Variants in MAP2K5 observed in about 807,000 individuals in gnomAD.
MAP2K5 encodes the protein mitogen-activated protein kinase kinase 5, also known as dual specificity mitogen-activated protein kinase kinase 5.
MAP2K5 carries 49 observed loss-of-function variants against 83.1 expected under a neutral mutation model. That is an observed-to-expected ratio of 0.59 (90% CI 0.47 to 0.75). The LOEUF (loss-of-function observed/expected upper bound fraction) is 0.75. Among genes scored for constraint, MAP2K5 ranks in the 30% least tolerant of loss-of-function variants. MAP2K5 has a pLI of 0.00. For synonymous variants in MAP2K5, 202 were observed against 191.8 expected (o/e 1.05, Z -0.44); for missense variants, 457 against 557.5 (o/e 0.82, Z 1.82).
At chr15:67,718,847 A>G (rs1217117719) in intron 16 of MAP2K5, among the ~76,000 whole-genome samples, 1 of 152,208 alleles carries the variant, frequency 6.6e-6, no homozygotes, top group African/African-American at 2.4e-5. Context: ...ACAATGTGTA[A>G]TAATCACATC....
chr15:67,653,341 A>C (rs755113876), intron 11 of MAP2K5, among the ~76,000 whole-genome samples: 1 of 151,630 alleles, frequency 6.6e-6, no homozygotes, highest in Admixed American at 6.6e-5. Flanking sequence ...GCTAGAGTAC[A>C]ATGGCACAAT....
In MAP2K5 at chr15:67,688,052, C is replaced by G. The variant is rs527386509; in HGVS notation, c.848-4427C>G. Reference sequence around the variant, plus strand: ...AGGCTTCCCCTAAAAAGGTAAGAATCTAAAGCAAAGGAGAAAAATTCAGGC... The same window carrying G: ...AGGCTTCCCCTAAAAAGGTAAGAATGTAAAGCAAAGGAGAAAAATTCAGGC... On this transcript the variant is annotated intron_variant, in intron 13 of 21. Transcript: ENST00000178640. Among the ~76,000 whole-genome samples the G allele has an allele frequency of 2.5e-4, 38 of 152,256 alleles. 1 individual carries two copies. Among genetic ancestry groups the G allele is most frequent in the Admixed American group, 1.8e-3 (27 of 15,282 alleles).
chr15:67,734,879 C>T (rs1018048114), intron 17 of MAP2K5, among the ~76,000 whole-genome samples: 1 of 152,150 alleles, frequency 6.6e-6, no homozygotes, highest in African/African-American at 2.4e-5. Flanking sequence ...TTCAAGTACT[C>T]ACCTTTAATT....
chr15:67,756,515 CTGTGTGTGTGTGTGTGTGTGTGTG>C (rs200627656), intron 19 of MAP2K5, among the ~76,000 whole-genome samples: 4 of 131,544 alleles, frequency 3.0e-5, no homozygotes, highest in African/African-American at 5.6e-5. Context: ...CACACAGTTA[CTGTGTGTGTGTGTGTGTGTGTGTG>C]TGTGTGTGTG....
intron 15 of MAP2K5, among the ~76,000 whole-genome samples, chr15:67,695,455 A>T (rs965411406): frequency 2.0e-5 from 3 of 152,120 alleles, no homozygotes; most frequent in African/African-American, 4.8e-5. Flanking sequence ...TAATAAATTA[A>T]CCTCTGAAGT....
At chr15:67,726,840 C>T (rs1165281391) in intron 16 of MAP2K5, among the ~76,000 whole-genome samples, 1 of 152,148 alleles carries the variant, frequency 6.6e-6, no homozygotes, top group African/African-American at 2.4e-5. Flanking sequence ...GAGGATTGGC[C>T]ACATTATAAA....
Position 67,622,856 on chromosome 15 carries a change from T to C in MAP2K5, c.546-8032T>C, listed in dbSNP as rs1567316102. The stretch of plus-strand genomic sequence containing the variant: ...GCTTACGCCTGTAATCCCAGCACTT[T>C]GGGAGGTCGAGGCAGGTGGATCATG... On this transcript the variant is annotated intron_variant, in intron 8 of 21. Coordinates refer to ENST00000178640, the MANE Select transcript of MAP2K5 (RefSeq NM_145160.3). Among the ~76,000 whole-genome samples, 8 of 152,174 alleles carry C rather than the reference T, an allele frequency of 5.3e-5. No individual in the cohort carries two copies. In the South Asian group the frequency reaches 1.7e-3, roughly 31 times the overall value.
chr15:67,700,570 C>A (rs1192326627), intron 15 of MAP2K5, among the ~76,000 whole-genome samples: 1 of 152,134 alleles, frequency 6.6e-6, no homozygotes, highest in Non-Finnish European at 1.5e-5. Context: ...GGGCAGGCCA[C>A]CTTGGCTTCA....
chr15:67,660,584 A>G (rs938875), intron 12 of MAP2K5, among the ~76,000 whole-genome samples: 83,541 of 152,054 alleles, frequency 0.55, 23,658 homozygotes, highest in Non-Finnish European at 0.6. Context: ...TGCCAAGTCA[A>G]AAGCAACAGA....
At chr15:67,598,629 C>T (rs1167263682) in intron 7 of MAP2K5, among the ~76,000 whole-genome samples, 1 of 152,080 alleles carries the variant, frequency 6.6e-6, no homozygotes, top group African/African-American at 2.4e-5. Flanking sequence ...CTTCTCTTTT[C>T]CCTGTAGTGG....
chr15:67,664,467 C>T, intron 12 of MAP2K5, 130 bp from the exon 13 acceptor site: 1 of 597,928 alleles, frequency 1.7e-6, no homozygotes, highest in South Asian at 2.0e-5. Flanking sequence ...TACCCCACAG[C>T]ACTTCAGCCT....
At chr15:67,607,401 C>T (rs1218242086) in intron 8 of MAP2K5, among the ~76,000 whole-genome samples, 2 of 152,028 alleles carry the variant, frequency 1.3e-5, no homozygotes, top group Non-Finnish European at 2.9e-5. Context: ...TTTATTGATT[C>T]GAATCTAAGG....
In MAP2K5 at chr15:67,781,293, A is replaced by G. The variant is rs1160767354; in HGVS notation, c.1242+8541A>G. Among the ~76,000 whole-genome samples the G allele has an allele frequency of 6.6e-6, 1 of 152,238 alleles. No homozygotes were observed. Among genetic ancestry groups the G allele is most frequent in the East Asian group, 1.9e-4 (1 of 5,202 alleles). On this transcript the variant is annotated intron_variant, in intron 21 of 21. Transcript: ENST00000178640. The surrounding 1 kb of genome is among the most constrained non-coding windows in gnomAD (Gnocchi z 4.0). The stretch of plus-strand genomic sequence containing the variant: ...TAACCAGGAATTTTAAGAGCTGGGG[A>G]AAATATTAGAAAGCTCCTATTTACA...
chr15:67,748,111 G>A lies in MAP2K5; in HGVS notation c.1075-120G>A. 3 of 693,114 alleles carry A rather than the reference G, an allele frequency of 4.3e-6. No individual in the cohort carries two copies. Among genetic ancestry groups the A allele is most frequent in the Non-Finnish European group, 7.9e-6 (3 of 379,242 alleles). 42.9% of individuals were successfully genotyped at this position (693,114 alleles called of 1,614,324 possible). A position where few individuals can be genotyped will look rare whatever the true frequency, so the allele number is the denominator to read the frequency against. On this transcript the variant is annotated intron_variant, in intron 17 of 21. Coordinates refer to ENST00000178640, the MANE Select transcript of MAP2K5 (RefSeq NM_145160.3). This position sits in a 1 kb window ranked among gnomAD's most constrained non-coding sequence, Gnocchi z 4.0. Reference sequence around the variant, plus strand: ...TTTGTGTATTTTCATTATGTAAATTGTGTTAACACATGCCCACAAATTGCC... The same window carrying A: ...TTTGTGTATTTTCATTATGTAAATTATGTTAACACATGCCCACAAATTGCC...
At chr15:67,619,654 G>A (rs1212635368) in intron 8 of MAP2K5, among the ~76,000 whole-genome samples, 2 of 152,158 alleles carry the variant, frequency 1.3e-5, no homozygotes, top group East Asian at 3.8e-4. Flanking sequence ...GTTAAATAAA[G>A]TGAACACCAT....
rs2085301962 is a variant in MAP2K5 at position 67,586,833 on chromosome 15, T to C, written c.364-13T>C. On this transcript the variant is annotated splice_polypyrimidine_tract_variant and intron_variant, in intron 5 of 21. Coordinates refer to ENST00000178640, the MANE Select transcript of MAP2K5 (RefSeq NM_145160.3). ...GAACACAAGACTGATCAAGATTCTT[T>C]CTTTACTTATAGGTGAATACTCGGG... 1.2e-6 allele frequency: 2 copies of C among 1,613,344 alleles called. No homozygotes were observed. The highest frequency in any genetic ancestry group is 1.7e-6 in the Non-Finnish European group (2 of 1,179,250).
intron 1 of MAP2K5, among the ~76,000 whole-genome samples, chr15:67,549,762 C>T (rs953135191): frequency 8.5e-5 from 13 of 152,054 alleles, no homozygotes; most frequent in East Asian, 1.9e-4. Flanking sequence ...AAATACATGA[C>T]GGTTTATTTG....
Position 67,698,747 on chromosome 15 carries a change from G to A in MAP2K5, c.973-4590G>A, listed in dbSNP as rs2088329079. ...CAAGCTATTCCAGTTCTTGGTAATT[G>A]TCTTTACTCGGAATAAAACACATAC... On this transcript the variant is annotated intron_variant, in intron 15 of 21. Coordinates refer to ENST00000178640, the MANE Select transcript of MAP2K5 (RefSeq NM_145160.3). The surrounding 1 kb of genome is among the most constrained non-coding windows in gnomAD (Gnocchi z 4.5). Among the ~76,000 whole-genome samples, 3 of 152,052 alleles carry A rather than the reference G, an allele frequency of 2.0e-5. No homozygotes were observed. In the South Asian group the frequency reaches 6.2e-4, roughly 32 times the overall value.
intron 5 of MAP2K5, among the ~76,000 whole-genome samples, chr15:67,586,493 AG>A (rs1348230402): frequency 1.3e-5 from 2 of 152,156 alleles, no homozygotes; most frequent in Non-Finnish European, 2.9e-5. Flanking sequence ...CAGAGCTGGA[AG>A]GATATAACTT....
Sources: gnomAD v4.1 joint callset for allele counts (sites outside exome capture counted in the v4.1 genomes callset) on GRCh38, gnomAD v4.1.1 for gene constraint, Gnocchi (gnomAD v3.1) non-coding constraint, MANE v1.5 for transcripts, NCBI Gene and HGNC (gene_info 2026-07-23, HGNC 2026-07-21) for gene names.